GLCCI1: variants seen among roughly 807,000 people sequenced by gnomAD.
GLCCI1 encodes the protein glucocorticoid induced 1, also known as glucocorticoid-induced transcript 1 protein.
In GLCCI1, 24 loss-of-function variants were observed where a neutral mutation model predicts 52.2. The observed-to-expected ratio is 0.46, with a 90% CI of 0.33 to 0.65. The LOEUF (loss-of-function observed/expected upper bound fraction) is 0.65. Ranked by LOEUF, GLCCI1 falls within the 30% of genes least tolerant of loss-of-function variation. The pLI is 0.02. For synonymous variants in GLCCI1, 310 were observed against 276.5 expected, an observed-to-expected ratio of 1.12 and a Z score of -1.20; for missense variants, 704 against 701.5, an observed-to-expected ratio of 1.00 and a Z score of -0.04.
chr7:8,007,116 C>A (rs953442340), intron 2 of GLCCI1, among the ~76,000 whole-genome samples: 2 of 152,092 alleles, frequency 1.3e-5, no homozygotes, highest in Admixed American at 6.5e-5. Context: ...AGGAATTTCT[C>A]CTGAATTTTG....
intron 1 of GLCCI1, among the ~76,000 whole-genome samples, chr7:7,987,570 A>T (rs1036658521): frequency 6.6e-6 from 1 of 151,940 alleles, no homozygotes; most frequent in African/African-American, 2.4e-5. Flanking sequence ...CTACTTAGAG[A>T]TCCTTTTGAG....
At chr7:7,982,856 C>G (rs1392994196) in intron 1 of GLCCI1, among the ~76,000 whole-genome samples, 2 of 152,038 alleles carry the variant, frequency 1.3e-5, no homozygotes, top group Non-Finnish European at 2.9e-5. Flanking sequence ...GTTTTTGCTG[C>G]TGAAACTGCT....
intron 1 of GLCCI1, among the ~76,000 whole-genome samples, chr7:7,996,937 A>G (rs1780949499): frequency 6.6e-6 from 1 of 152,170 alleles, no homozygotes; most frequent in African/African-American, 2.4e-5. Context: ...CATATTCACA[A>G]CTTGTGTCCT....
chr7:7,989,896 G>C (rs1053749354), intron 1 of GLCCI1, among the ~76,000 whole-genome samples: 3 of 152,100 alleles, frequency 2.0e-5, no homozygotes, highest in Non-Finnish European at 4.4e-5. Flanking sequence ...GGTGAAAAGA[G>C]AGACAGATAC....
chr7:8,025,340 A>C lies in GLCCI1; in HGVS notation c.696+2771A>C, dbSNP rs906451039. Among the ~76,000 whole-genome samples, 22 of 152,102 alleles carry C rather than the reference A, an allele frequency of 1.4e-4. No homozygotes were observed. In the East Asian group the frequency reaches 2.5e-3, roughly 17 times the overall value. On this transcript the variant is annotated intron_variant, in intron 3 of 7. Coordinates refer to ENST00000223145, the MANE Select transcript of GLCCI1 (RefSeq NM_138426.4). ...GGGTGACAGAGCGAGACTCCATCCC[A>C]AAAAAAATAAAAAATAATAAAAGAA...
intron 1 of GLCCI1, chr7:7,980,950 T>C (rs1484195114): frequency 3.4e-6 from 2 of 589,948 alleles, no homozygotes; most frequent in Non-Finnish European, 6.3e-6. Flanking sequence ...AAGGGAACAA[T>C]TAAAGAGTGG....
intron 1 of GLCCI1, among the ~76,000 whole-genome samples, chr7:7,993,501 C>G (rs549367474): frequency 9.5e-4 from 144 of 152,284 alleles, no homozygotes; most frequent in African/African-American, 3.3e-3. Context: ...TTGATGTCCT[C>G]TTGCTTTCAC....
chr7:8,070,915 T>TTACAGCC lies in GLCCI1; in HGVS notation c.967-5_968dup. 6.2e-7 allele frequency: 1 copy of TTACAGCC among 1,612,540 alleles called. No homozygotes were observed. Among genetic ancestry groups the TTACAGCC allele is most frequent in the Non-Finnish European group, 8.5e-7 (1 of 1,178,622 alleles). Reference sequence around the variant, plus strand: ...ATTTGGATGTTTAATGGTATTCCTCTTACAGCCGTTGGACATACCAGATGG... The same window carrying TTACAGCC: ...ATTTGGATGTTTAATGGTATTCCTCTTACAGCCTACAGCCGTTGGACATACCAGATGG... On this transcript the variant is annotated splice_polypyrimidine_tract_variant and splice_region_variant and intron_variant, in intron 5 of 7. Coordinates refer to ENST00000223145, the MANE Select transcript of GLCCI1 (RefSeq NM_138426.4).
intron 6 of GLCCI1, among the ~76,000 whole-genome samples, chr7:8,077,586 T>C (rs1328343048): frequency 6.6e-6 from 1 of 152,158 alleles, no homozygotes; most frequent in Non-Finnish European, 1.5e-5. Context: ...CACCTATAAA[T>C]TGGGGATAGC....
intron 2 of GLCCI1, among the ~76,000 whole-genome samples, chr7:8,010,829 A>G (rs1290638100): frequency 6.6e-6 from 1 of 152,214 alleles, no homozygotes; most frequent in African/African-American, 2.4e-5. Flanking sequence ...ATACACACAG[A>G]GATGGAATCA....
At chr7:8,053,750 C>T (rs1782322512) in intron 3 of GLCCI1, among the ~76,000 whole-genome samples, 1 of 152,080 alleles carries the variant, frequency 6.6e-6, no homozygotes, top group East Asian at 1.9e-4. Flanking sequence ...ATATAATATA[C>T]ATTTAGAAAG....
intron 1 of GLCCI1, among the ~76,000 whole-genome samples, chr7:8,000,821 T>C (rs1003663554): frequency 2.0e-5 from 3 of 152,180 alleles, no homozygotes; most frequent in African/African-American, 7.2e-5. Context: ...TTGATCTTTG[T>C]TGGTTTAAAG....
In GLCCI1 at chr7:8,085,689, G is replaced by A. The variant is rs148302763; in HGVS notation, c.1299-504G>A. On this transcript the variant is annotated intron_variant, in intron 7 of 7. Transcript: ENST00000223145. ...GAACGGGAGGAGAGGAAGGGCTTGT[G>A]GACCCAACCTCTGTTGAATTGACTG... is the stretch of plus-strand genomic sequence containing the variant. Among the ~76,000 whole-genome samples the A allele has an allele frequency of 5.9e-5, 9 of 152,026 alleles. No individual in the cohort carries two copies. The East Asian group carries it at 1.7e-3, about 29-fold the overall frequency.
intron 7 of GLCCI1, among the ~76,000 whole-genome samples, chr7:8,085,401 C>T (rs973824712): frequency 2.0e-5 from 3 of 152,206 alleles, no homozygotes; most frequent in South Asian, 2.1e-4. Context: ...GTCTCCTTCC[C>T]TGTAGCCTCA....
chr7:7,977,286 A>G (rs1273279933), intron 1 of GLCCI1, among the ~76,000 whole-genome samples: 2 of 152,232 alleles, frequency 1.3e-5, no homozygotes, highest in African/African-American at 4.8e-5. Flanking sequence ...TATAGATGAT[A>G]TTGAGAATAA....
At chr7:8,076,024 C>G (rs1245393326) in intron 6 of GLCCI1, among the ~76,000 whole-genome samples, 8 of 152,286 alleles carry the variant, frequency 5.3e-5, no homozygotes, top group South Asian at 2.1e-4. Context: ...AGGGTTGACC[C>G]TAGGCAGACT....
chr7:8,039,099 CA>C (rs535024255), intron 3 of GLCCI1, among the ~76,000 whole-genome samples: 8 of 149,302 alleles, frequency 5.4e-5, no homozygotes, highest in East Asian at 3.9e-4. Context: ...ATTAAAAAGT[CA>C]AAAAAAAATA....
Position 7,969,679 on chromosome 7 carries a change from C to T in GLCCI1, c.329C>T (p.Thr110Met), listed in dbSNP as rs1476780895. ...AARGPSPSSP[T>M]PPAAAAPAEQ... Reference sequence around the variant, plus strand: ...CGCGGCCCCAGCCCGTCCAGCCCGACGCCGCCGGCGGCCGCAGCCCCGGCC... The same window carrying T: ...CGCGGCCCCAGCCCGTCCAGCCCGATGCCGCCGGCGGCCGCAGCCCCGGCC... The change falls in exon 1 of 8, where the codon ACG (threonine) becomes ATG (methionine). Residue 110 changes from threonine to methionine, a missense_variant. Around this residue, in one of 3 missense-constraint regions of GLCCI1, gnomAD observed 547 missense variants for 524.8 expected, o/e 1.04. Transcript: ENST00000223145. The surrounding 1 kb of genome is among the most constrained non-coding windows in gnomAD (Gnocchi z 4.9). The T allele has an allele frequency of 9.0e-6, 10 of 1,111,670 alleles. No individual in the cohort carries two copies. The highest frequency in any genetic ancestry group is 5.7e-5 in the Admixed American group (1 of 17,614). The allele number at this position is 1,111,670 out of a possible 1,614,324, so 68.9% of individuals were successfully genotyped here. A position where few individuals can be genotyped will look rare whatever the true frequency, so the allele number is the denominator to read the frequency against.
intron 5 of GLCCI1, among the ~76,000 whole-genome samples, chr7:8,064,907 G>C (rs1340216181): frequency 6.6e-6 from 1 of 151,906 alleles, no homozygotes; most frequent in Admixed American, 6.6e-5. Context: ...TAGTAGAGAC[G>C]GGGTTTCACT....
Sources: gnomAD v4.1 joint callset for allele counts (sites outside exome capture counted in the v4.1 genomes callset) on GRCh38, gnomAD v4.1.1 for gene constraint, gnomAD v4.1.1 regional missense constraint, Gnocchi (gnomAD v3.1) non-coding constraint, MANE v1.5 for transcripts, NCBI Gene and HGNC (gene_info 2026-07-23, HGNC 2026-07-21) for gene names.